The following DNAH2 variants were observed in gnomAD, a reference collection of about 807,000 sequenced individuals.
DNAH2 encodes axonemal beta dynein heavy chain 2.
Under a neutral mutation model 523.5 loss-of-function variants are expected in DNAH2, and 323 were observed. The observed-to-expected ratio is 0.62, with a 90% CI of 0.56 to 0.68. The LOEUF (loss-of-function observed/expected upper bound fraction) is 0.68. Among genes scored for constraint, DNAH2 ranks in the 30% least tolerant of loss-of-function variants. The pLI is 0.00. For missense variants in DNAH2, 4,907 were observed against 5,701.5 expected, an observed-to-expected ratio of 0.86 and a Z score of 4.49; for synonymous variants, 2,093 against 2,177.4, an observed-to-expected ratio of 0.96 and a Z score of 1.08.
Position 7,817,324 on chromosome 17 carries a change from A to C in DNAH2, c.9929A>C (p.Asp3310Ala). ...GAGGACCTGGGCTACCTGGTGGGGG[A>C]CTGTCTCCTGGCAGCTGCCTTCCTG... ...LEEDLGYLVGDCLLAAAFLSY... is the reference protein window; with the variant it reads ...LEEDLGYLVGACLLAAAFLSY... The change falls in exon 65 of 86, where the codon GAC becomes GCC. Residue 3310 changes from aspartate to alanine, a missense_variant. Coordinates refer to ENST00000572933, the MANE Select transcript of DNAH2 (RefSeq NM_020877.5). 6.2e-7 allele frequency: 1 copy of C among 1,606,508 alleles called. No homozygotes were observed. The highest frequency in any genetic ancestry group is 2.2e-5 in the East Asian group (1 of 44,808).
intron 25 of DNAH2, 22 bp downstream of exon 25, chr17:7,770,430 C>G (rs763281513): frequency 1.8e-5 from 29 of 1,610,970 alleles, no homozygotes; most frequent in Non-Finnish European, 2.4e-5. Context: ...CCCTCCCATG[C>G]TCCCACACCT....
intron 8 of DNAH2, chr17:7,738,855 G>T (rs2075220179): frequency 1.5e-6 from 1 of 657,728 alleles, no homozygotes; most frequent in South Asian, 1.6e-5. Context: ...CTGAATGCAG[G>T]GCTCCTGGTC....
chr17:7,770,862 C>A lies in DNAH2; in HGVS notation c.4291C>A (p.Arg1431Ser). The change falls in exon 27 of 86, where the codon CGC (arginine) becomes AGC (serine). Residue 1431 changes from arginine (R) to serine (S), a missense_variant. Coordinates refer to ENST00000572933, the MANE Select transcript of DNAH2 (RefSeq NM_020877.5). Reference protein sequence around the residue: ...AFEKDVDHWERCLSLILEVIE... With the variant: ...AFEKDVDHWESCLSLILEVIE... ...TGAGAAGGATGTGGACCACTGGGAA[C>A]GCTGCCTCTCCCTCATTTTGGAGGT... 1 of 1,614,170 alleles carries A rather than the reference C, an allele frequency of 6.2e-7. No homozygotes were observed. Among genetic ancestry groups the A allele is most frequent in the Non-Finnish European group, 8.5e-7 (1 of 1,180,036 alleles).
At position 7,778,358 on chromosome 17, in the gene DNAH2, C is replaced by A. The variant is rs758278151; in HGVS notation, c.5430C>A (p.Thr1810=). The A allele has an allele frequency of 3.1e-6, 5 of 1,614,216 alleles. No individual in the cohort carries two copies. The Admixed American group carries it at 8.3e-5, about 27-fold the overall frequency. The change falls in exon 35 of 86, where the codon ACC becomes ACA. Residue 1810 remains threonine (T), a synonymous_variant. Transcript: ENST00000572933. ...SPKGPAGTGK[T]ETVKDLGKAL... is the part of the protein sequence containing the mutation. ...AAGGCCCTGCAGGCACAGGCAAGAC[C>A]GAGACCGTCAAGGACCTGGGCAAGG...
intron 18 of DNAH2, among the ~76,000 whole-genome samples, chr17:7,761,595 C>T (rs886652855): frequency 6.6e-6 from 1 of 151,952 alleles, no homozygotes; most frequent in African/African-American, 2.4e-5. Context: ...AGCAATTCTC[C>T]TGCCTCAGCC....
At chr17:7,804,894 C>A in intron 59 of DNAH2, 64 bp from the exon 60 acceptor site, 1 of 1,349,786 alleles carries the variant, frequency 7.4e-7, no homozygotes, top group Non-Finnish European at 1.0e-6. Context: ...TTTCCACCAA[C>A]ACCGTCACTC....
Position 7,754,960 on chromosome 17 carries a change from G to T in DNAH2, c.1905-2131G>T, listed in dbSNP as rs1161275639. 13 of 363,788 alleles carry T rather than the reference G, an allele frequency of 3.6e-5. No homozygotes were observed. The highest frequency in any genetic ancestry group is 5.9e-5 in the Non-Finnish European group (12 of 204,126). 22.5% of individuals were successfully genotyped at this position (363,788 alleles called of 1,614,324 possible). On this transcript the variant is annotated intron_variant, in intron 12 of 85. Transcript: ENST00000572933. This position sits in a 1 kb window ranked among gnomAD's most constrained non-coding sequence, Gnocchi z 4.6. ...CTGCGCTATTGGTACAAATAAGCCTGAGGCAGAAAAAAAAAAAAAAAGAAT... is the reference window on the plus strand; with the variant it reads ...CTGCGCTATTGGTACAAATAAGCCTTAGGCAGAAAAAAAAAAAAAAAGAAT...
intron 44 of DNAH2, among the ~76,000 whole-genome samples, chr17:7,790,214 A>G (rs933549889): frequency 2.0e-5 from 3 of 152,180 alleles, no homozygotes; most frequent in Non-Finnish European, 4.4e-5. Flanking sequence ...TCTTTCCATT[A>G]TTAAGTTGGT....
At position 7,780,520 on chromosome 17, in the gene DNAH2, C is replaced by T. The variant is rs1320678528; in HGVS notation, c.5851-110C>T. ...CTCAGGAGAATCCATAGAGTGCCTC[C>T]TAGCTGCTTCATGTCCTGGGACCTG... On this transcript the variant is annotated intron_variant, in intron 37 of 85. Coordinates refer to ENST00000572933, the MANE Select transcript of DNAH2 (RefSeq NM_020877.5). The surrounding 1 kb of genome is among the most constrained non-coding windows in gnomAD (Gnocchi z 4.4). 33 of 1,511,160 alleles carry T rather than the reference C, an allele frequency of 2.2e-5. No homozygotes were observed. The highest frequency in any genetic ancestry group is 2.9e-5 in the Non-Finnish European group (32 of 1,111,734). The allele number at this position is 1,511,160 out of a possible 1,614,324, so 93.6% of individuals were successfully genotyped here.
In DNAH2 at chr17:7,784,784, A is replaced by G. The variant is rs566742917; in HGVS notation, c.6130-1340A>G. 7.2e-5 allele frequency among the ~76,000 whole-genome samples: 11 copies of G among 152,334 alleles called. No individual in the cohort carries two copies. In the East Asian group the frequency reaches 1.7e-3, roughly 24 times the overall value. The stretch of plus-strand genomic sequence containing the variant: ...TCGTAAAGGTGAAGAGTGACATTTC[A>G]TAATGATAAAAGGATCAATACACAG... On this transcript the variant is annotated intron_variant, in intron 39 of 85. Transcript: ENST00000572933.
At chr17:7,830,587 T>G in intron 78 of DNAH2, 71 bp from the exon 79 acceptor site, 1 of 1,607,446 alleles carries the variant, frequency 6.2e-7, no homozygotes, top group Non-Finnish European at 8.5e-7. Flanking sequence ...ACAAAGCCTG[T>G]GTTGAAGCCC....
rs1023604437 is a variant in DNAH2, at chr17:7,821,253, C to T, written c.11026C>T (p.Arg3676Cys). 15 of 1,613,386 alleles carry T rather than the reference C, an allele frequency of 9.3e-6. No individual in the cohort carries two copies. The African/African-American group carries it at 1.2e-4, about 13-fold the overall frequency. Residue 3676 changes from arginine to cysteine, a missense_variant, in exon 73 of 86, where the codon CGT becomes TGT. By Grantham distance (180) the Arg-to-Cys change is radical. This residue lies in a region of DNAH2 where 1,851 missense variants were observed against 2,139.4 expected (regional missense o/e 0.87). Transcript: ENST00000572933. This position sits in a 1 kb window ranked among gnomAD's most constrained non-coding sequence, Gnocchi z 5.0. ...HTYAVYRYTC[R>C]TLFERHKLLF... ...GTCCCTTTCTCCCAGGTACACCTGCCGTACCCTTTTCGAACGCCACAAACT... is the reference window on the plus strand; with the variant it reads ...GTCCCTTTCTCCCAGGTACACCTGCTGTACCCTTTTCGAACGCCACAAACT...
intron 12 of DNAH2, among the ~76,000 whole-genome samples, chr17:7,748,179 G>C (rs951252777): frequency 6.6e-6 from 1 of 152,208 alleles, no homozygotes; most frequent in Admixed American, 6.5e-5. Flanking sequence ...GGACAGAACA[G>C]CTTCACAGAT....
Position 7,831,477 on chromosome 17 carries a change from T to A in DNAH2, c.12547T>A (p.Ser4183Thr). The part of the protein sequence containing the change: ...GTQKLLALDP[S>T]PLNVVLLQEI... ...TCAAAAACTGCTAGCTCTCGACCCC[T>A]CCCCCCTCAATGTGGTCCTTCTGCA... Residue 4183 changes from serine to threonine, a missense_variant, in exon 81 of 86, where the codon TCC (serine) becomes ACC (threonine). By Grantham distance (58) the Ser-to-Thr change is moderately conservative. This residue lies in a region of DNAH2 where 1,851 missense variants were observed against 2,139.4 expected (regional missense o/e 0.87). Transcript: ENST00000572933. This position sits in a 1 kb window ranked among gnomAD's most constrained non-coding sequence, Gnocchi z 4.2. 3.7e-6 allele frequency: 6 copies of A among 1,613,828 alleles called. No individual in the cohort carries two copies. Among genetic ancestry groups the A allele is most frequent in the Non-Finnish European group, 5.1e-6 (6 of 1,179,956 alleles).
At chr17:7,724,356 C>T (rs1268060118) in intron 3 of DNAH2, among the ~76,000 whole-genome samples, 3 of 152,136 alleles carry the variant, frequency 2.0e-5, no homozygotes, top group Non-Finnish European at 4.4e-5. Context: ...CACGGTGGCT[C>T]AAGCCTGTAA....
rs142627042 is a variant in DNAH2, at chr17:7,818,933, C to T, written c.10685C>T (p.Ala3562Val). ...CCTCCCCCTAGGCTGCTGAATGAGG[C>T]CACCGGCTCCCTGCTGGATGATGTG... ...EDEILRLLNE[A>V]TGSLLDDVQL... is the part of the protein sequence containing the mutation. Residue 3562 changes from alanine (A) to valine (V), a missense_variant, in exon 71 of 86, where the codon GCC (alanine) becomes GTC (valine). Physicochemically the swap from Ala to Val is moderately conservative, Grantham distance 64 (BLOSUM62 0). Transcript: ENST00000572933. 4.4e-4 allele frequency: 717 copies of T among 1,612,066 alleles called. 1 individual carries two copies. Among genetic ancestry groups the T allele is most frequent in the Middle Eastern group, 5.0e-4 (3 of 6,058 alleles).
intron 24 of DNAH2, 128 bp from the exon 25 acceptor site, chr17:7,770,124 G>A (rs932107790): frequency 7.0e-6 from 9 of 1,283,226 alleles, no homozygotes; most frequent in African/African-American, 3.0e-5. Context: ...TTGCATCTTC[G>A]AGCCTGTTTA....
At chr17:7,744,344 G>T (rs2075453199) in intron 12 of DNAH2, among the ~76,000 whole-genome samples, 1 of 151,880 alleles carries the variant, frequency 6.6e-6, no homozygotes, top group Non-Finnish European at 1.5e-5. Flanking sequence ...ATGTAGGAGG[G>T]GCTTTGCCAG....
At position 7,832,929 on chromosome 17, in the gene DNAH2, G is replaced by A. The variant is rs760365113; in HGVS notation, c.12978+1G>A. 6.2e-7 allele frequency: 1 copy of A among 1,614,188 alleles called. No individual in the cohort carries two copies. The highest frequency in any genetic ancestry group is 8.5e-7 in the Non-Finnish European group (1 of 1,180,038). On this transcript the variant is annotated splice_donor_variant, in intron 84 of 85. Transcript: ENST00000572933. LOFTEE classifies it high-confidence loss of function. The surrounding 1 kb of genome is among the most constrained non-coding windows in gnomAD (Gnocchi z 4.3). The stretch of plus-strand genomic sequence containing the variant: ...CAGCAACCTAGTGTATCCCCCCAAG[G>A]TGGGAGCCAGTTGTGCTTGGGGCTC...
Sources: allele counts gnomAD v4.1 joint callset (sites outside exome capture counted in the v4.1 genomes callset), GRCh38; gene constraint gnomAD v4.1.1; regional missense constraint gnomAD v4.1.1; non-coding constraint Gnocchi (gnomAD v3.1); transcripts MANE v1.5; gene names NCBI Gene and HGNC (gene_info 2026-07-23, HGNC 2026-07-21).